FAM246A: variants seen among roughly 807,000 people sequenced by gnomAD.
The protein encoded by FAM246A is family with sequence similarity 246 member A.
chr22:21,360,742 C>T (rs1921835393), exon 1 of FAM246A, among the ~76,000 whole-genome samples: 1 of 147,336 alleles, frequency 6.8e-6, no homozygotes, highest in Admixed American at 6.7e-5. Flanking sequence ...CCAGGGCGCT[C>T]ACGGTGCCGA....
At chr22:21,360,244 TC>T (rs1414644044), downstream of FAM246A, among the ~76,000 whole-genome samples, 268 of 7,036 alleles carry the variant, frequency 0.038, 5 homozygotes, top group African/African-American at 0.12. Flanking sequence ...TCTCGGCTGT[TC>T]CCCTGGAGGC....
At chr22:21,361,225 C>T (rs548157700) in exon 1 of FAM246A, among the ~76,000 whole-genome samples, 1,546 of 150,946 alleles carry the variant, frequency 0.01, 16 homozygotes, top group African/African-American at 0.035. Context: ...GCCGGCGGCC[C>T]GTGACGCGCC....
At chr22:21,361,077 G>C (rs957223218) in exon 1 of FAM246A, among the ~76,000 whole-genome samples, 8 of 149,500 alleles carry the variant, frequency 5.4e-5, no homozygotes, top group African/African-American at 1.5e-4. Flanking sequence ...GCCCCCGCAC[G>C]CTCCACCAGC....
chr22:21,360,839 G>GGCA (rs1921840588), exon 1 of FAM246A, among the ~76,000 whole-genome samples: 3 of 144,568 alleles, frequency 2.1e-5, no homozygotes, highest in Non-Finnish European at 3.0e-5. Flanking sequence ...CGGCGGCGGC[G>GGCA]GCAGCAGCGC....
downstream of FAM246A, among the ~76,000 whole-genome samples, chr22:21,359,990 A>AG (rs1921821056): frequency 2.2e-5 from 1 of 44,850 alleles, no homozygotes; most frequent in African/African-American, 1.3e-4. Context: ...GTCCAGTGAG[A>AG]GGGGGTTGCA....
exon 1 of FAM246A, among the ~76,000 whole-genome samples, chr22:21,360,705 C>A (rs1921833989): frequency 1.4e-5 from 2 of 147,202 alleles, no homozygotes; most frequent in South Asian, 4.2e-4. Flanking sequence ...CCGTCCGGGG[C>A]GTCGTCTGCG....
rs1024160075 is a variant in FAM246A, at chr22:21,361,260, CA to C, written c.39del (p.Ser13ArgfsTer58). Among the ~76,000 whole-genome samples, 14 of 149,328 alleles carry C rather than the reference CA, an allele frequency of 9.4e-5. No individual in the cohort carries two copies. The highest frequency in any genetic ancestry group is 5.3e-4 in the Admixed American group (8 of 15,110). On this transcript the variant is annotated frameshift_variant, in exon 1 of 1. Coordinates refer to ENST00000652479, the Ensembl canonical transcript of FAM246A. LOFTEE classifies it high-confidence loss of function. ...CGCAGCACCTCGCTGGCTCTGTACG[CA>C]CTACGCGCCTGGGCCCACGGGCGGC...
At chr22:21,360,834 G>A (rs992745162) in exon 1 of FAM246A, among the ~76,000 whole-genome samples, 1 of 144,820 alleles carries the variant, frequency 6.9e-6, no homozygotes, top group African/African-American at 2.5e-5. Flanking sequence ...GACGGCGGCG[G>A]CGGCGGCAGC....
exon 1 of FAM246A, among the ~76,000 whole-genome samples, chr22:21,360,808 G>C (rs1192324641): frequency 7.0e-6 from 1 of 143,010 alleles, no homozygotes; most frequent in Admixed American, 6.9e-5. Context: ...CGCGGGGCTC[G>C]CGGCGGGCAG....
chr22:21,360,840 GCAGCAGCGCGCGCAGAGCGTC>G (rs941062579), exon 1 of FAM246A, among the ~76,000 whole-genome samples: 1 of 144,712 alleles, frequency 6.9e-6, no homozygotes, highest in African/African-American at 2.6e-5. Flanking sequence ...GGCGGCGGCG[GCAGCAGCGCGCGCAGAGCGTC>G]CAGCTCCGCT....
At chr22:21,360,368 C>T (rs1276384329), downstream of FAM246A, among the ~76,000 whole-genome samples, 2 of 7,554 alleles carry the variant, frequency 2.6e-4, 1 homozygote, top group Non-Finnish European at 5.1e-4. Flanking sequence ...TCGCAAGGAC[C>T]CCGGCTCCCA....
chr22:21,361,204 C>T (rs1260017935), exon 1 of FAM246A, among the ~76,000 whole-genome samples: 1 of 151,304 alleles, frequency 6.6e-6, no homozygotes, highest in Non-Finnish European at 1.5e-5. Flanking sequence ...TGGATTGCGG[C>T]CCCGGGTCCC....
chr22:21,360,825 A>ACGGCGGCGG (rs533321783), exon 1 of FAM246A, among the ~76,000 whole-genome samples: 1 of 140,288 alleles, frequency 7.1e-6, no homozygotes, highest in African/African-American at 2.7e-5. Context: ...GCAGGCGGGG[A>ACGGCGGCGG]CGGCGGCGGC....
exon 1 of FAM246A, among the ~76,000 whole-genome samples, chr22:21,361,068 C>T (rs1476435620): frequency 6.7e-6 from 1 of 148,902 alleles, no homozygotes; most frequent in African/African-American, 2.5e-5. Flanking sequence ...GCCGCCCCGG[C>T]CCCCGCACGC....
At chr22:21,361,167 C>T (rs1601294955) in exon 1 of FAM246A, among the ~76,000 whole-genome samples, 1 of 151,556 alleles carries the variant, frequency 6.6e-6, no homozygotes, top group South Asian at 2.1e-4. Context: ...CGGCCCGGGG[C>T]TCGGGCGTCT....
At chr22:21,361,268 G>T (rs1921855579) in exon 1 of FAM246A, among the ~76,000 whole-genome samples, 1 of 148,350 alleles carries the variant, frequency 6.7e-6, no homozygotes, top group African/African-American at 2.5e-5. Context: ...CGCACTACGC[G>T]CCTGGGCCCA....
chr22:21,361,002 C>G (rs1282716414), exon 1 of FAM246A, among the ~76,000 whole-genome samples: 1 of 145,714 alleles, frequency 6.9e-6, no homozygotes, highest in Non-Finnish European at 1.5e-5. Context: ...CGGGGCTCCC[C>G]GCATACTGAG....
At chr22:21,361,284 G>T (rs1921856076) in exon 1 of FAM246A, among the ~76,000 whole-genome samples, 2 of 146,814 alleles carry the variant, frequency 1.4e-5, no homozygotes, top group Non-Finnish European at 3.0e-5. Flanking sequence ...GCCCACGGGC[G>T]GCCGGGCGTC....
chr22:21,360,658 C>T (rs1921832251), exon 1 of FAM246A, among the ~76,000 whole-genome samples: 2 of 146,000 alleles, frequency 1.4e-5, no homozygotes, highest in Middle Eastern at 3.4e-3. Context: ...TGTGGTTCTT[C>T]CTGACCGGGG....
Sources: allele counts gnomAD v4.1 joint callset (sites outside exome capture counted in the v4.1 genomes callset), GRCh38; gene constraint gnomAD v4.1.1; transcripts MANE v1.5; gene names NCBI Gene and HGNC (gene_info 2026-07-23, HGNC 2026-07-21).